Variants in RB1 observed in about 807,000 individuals in gnomAD.
RB1 encodes the protein RB transcriptional corepressor 1.
A neutral mutation model predicts 135.4 loss-of-function variants in RB1; 18 were observed. The ratio of observed to expected loss-of-function variants is 0.13; its 90% CI spans 0.09 to 0.20. RB1 has a LOEUF of 0.20. Ranked by LOEUF, RB1 falls within the 10% of genes least tolerant of loss-of-function variation. The probability of loss-of-function intolerance (pLI) is 1.00; values close to 1 mark genes in which losing one functional copy is unlikely to be tolerated. For missense variants in RB1, 868 were observed against 1,110.0 expected, an observed-to-expected ratio of 0.78 and a Z score of 3.10; for synonymous variants, 365 against 373.2, an observed-to-expected ratio of 0.98 and a Z score of 0.25.
intron 17 of RB1, among the ~76,000 whole-genome samples, chr13:48,447,005 C>T (rs1479328198): frequency 6.6e-6 from 1 of 152,086 alleles, no homozygotes; most frequent in Non-Finnish European, 1.5e-5. Context: ...GATGCTTTTG[C>T]AGTGGGACAG....
chr13:48,366,047 G>A (rs1399831704), intron 9 of RB1, among the ~76,000 whole-genome samples: 1 of 152,172 alleles, frequency 6.6e-6, no homozygotes, highest in African/African-American at 2.4e-5. Flanking sequence ...AAGGTGCAGT[G>A]ATGTATGATA....
At chr13:48,349,052 A>G (rs1285208969) in intron 6 of RB1, 29 bp downstream of exon 6, 4 of 1,570,450 alleles carry the variant, frequency 2.5e-6, no homozygotes, top group Non-Finnish European at 3.5e-6. Flanking sequence ...TTAAATGCTA[A>G]TATTTCAAAT....
rs886774179 is a variant in RB1 at position 48,319,360 on chromosome 13, G to C, written c.264+11954G>C. On this transcript the variant is annotated intron_variant, in intron 2 of 26. Coordinates refer to ENST00000267163, the MANE Select transcript of RB1 (RefSeq NM_000321.3). The surrounding 1 kb of genome is among the most constrained non-coding windows in gnomAD (Gnocchi z 5.0). ...TTGGCCTCCTTGCGTGTTTGCCGCA[G>C]CTAGTACACCTGGATGGCCTCCTCA... is the stretch of plus-strand genomic sequence containing the variant. 12 of 484,680 alleles carry C rather than the reference G, an allele frequency of 2.5e-5. No homozygotes were observed. Among genetic ancestry groups the C allele is most frequent in the African/African-American group, 1.6e-4 (8 of 50,186 alleles). The allele number at this position is 484,680 out of a possible 1,614,324, so 30.0% of individuals were successfully genotyped here. A position where few individuals can be genotyped will look rare whatever the true frequency, so the allele number is the denominator to read the frequency against.
chr13:48,355,112 T>C (rs912549244), intron 6 of RB1, among the ~76,000 whole-genome samples: 2 of 151,874 alleles, frequency 1.3e-5, no homozygotes, highest in Non-Finnish European at 2.9e-5. Flanking sequence ...AAGGATACAA[T>C]GAATGAAGTG....
Position 48,318,345 on chromosome 13 carries a change from C to A in RB1, c.264+10939C>A, listed in dbSNP as rs1289947508. 19 of 1,413,642 alleles carry A rather than the reference C, an allele frequency of 1.3e-5. 1 individual carries two copies. Among genetic ancestry groups the A allele is most frequent in the Non-Finnish European group, 1.7e-5 (18 of 1,048,970 alleles). The allele number at this position is 1,413,642 out of a possible 1,614,324, so 87.6% of individuals were successfully genotyped here. A position where few individuals can be genotyped will look rare whatever the true frequency, so the allele number is the denominator to read the frequency against. On this transcript the variant is annotated intron_variant, in intron 2 of 26. Coordinates refer to ENST00000267163, the MANE Select transcript of RB1 (RefSeq NM_000321.3). ...GAACCTGACCTTCCTGCACGCAGCC[C>A]TGGGTTCCCTGCACCTCTTCTTGAG...
At position 48,481,843 on chromosome 13, in the gene RB1, A is replaced by G. The variant is rs538626210; in HGVS notation, c.*1772A>G. On this transcript the variant is annotated 3_prime_UTR_variant, in exon 27 of 27. Transcript: ENST00000267163. ...AATTGCTATGTTACTATTTTCTACA[A>G]TTAATAGTTTGTCTATTTTAAAATA... is the stretch of plus-strand genomic sequence containing the variant. 9.1e-6 allele frequency: 2 copies of G among 220,530 alleles called. No homozygotes were observed. The highest frequency in any genetic ancestry group is 1.8e-4 in the South Asian group (1 of 5,412). 13.7% of individuals were successfully genotyped at this position (220,530 alleles called of 1,614,324 possible). A position where few individuals can be genotyped will look rare whatever the true frequency, so the allele number is the denominator to read the frequency against.
intron 1 of RB1, 59 bp downstream of exon 1, chr13:48,304,108 G>T (rs1397310816): frequency 7.5e-7 from 1 of 1,336,156 alleles, no homozygotes; most frequent in Non-Finnish European, 9.5e-7. Flanking sequence ...TGTGCGTAGG[G>T]CGGGCGCCAA....
intron 23 of RB1, 46 bp from the exon 24 acceptor site, chr13:48,473,314 T>C (rs2138354447): frequency 6.8e-7 from 1 of 1,473,032 alleles, no homozygotes; most frequent in East Asian, 2.3e-5. Flanking sequence ...TGCAAAATTG[T>C]ATATGGTTTT....
At chr13:48,430,249 A>G (rs552040348) in intron 17 of RB1, among the ~76,000 whole-genome samples, 1 of 152,218 alleles carries the variant, frequency 6.6e-6, no homozygotes, top group Non-Finnish European at 1.5e-5. Context: ...TATCCACTTC[A>G]AATCAGTGGA....
chr13:48,305,505 C>T (rs1952073397), intron 1 of RB1, among the ~76,000 whole-genome samples: 1 of 152,122 alleles, frequency 6.6e-6, no homozygotes, highest in African/African-American at 2.4e-5. Context: ...CTAAAGAATT[C>T]CATGTTATGC....
chr13:48,364,643 G>C (rs1339152927), intron 8 of RB1, among the ~76,000 whole-genome samples: 1 of 152,174 alleles, frequency 6.6e-6, no homozygotes, highest in East Asian at 1.9e-4. Context: ...TGAGGTGGAA[G>C]GATGGCTTGA....
chr13:48,372,756 T>G (rs1389960966), intron 11 of RB1, among the ~76,000 whole-genome samples: 1 of 152,200 alleles, frequency 6.6e-6, no homozygotes, highest in Non-Finnish European at 1.5e-5. Context: ...TAGTTGAGGA[T>G]CTTTTCAGCC....
intron 2 of RB1, among the ~76,000 whole-genome samples, chr13:48,330,602 A>G (rs1952325164): frequency 6.6e-6 from 1 of 152,198 alleles, no homozygotes; most frequent in Non-Finnish European, 1.5e-5. Flanking sequence ...CTAAGACTGA[A>G]TAGCAGAAGA....
chr13:48,472,411 A>G (rs1949476634), intron 23 of RB1, among the ~76,000 whole-genome samples: 1 of 152,146 alleles, frequency 6.6e-6, no homozygotes, highest in Non-Finnish European at 1.5e-5. Context: ...ATATCTGTGT[A>G]CTGATATCTA....
chr13:48,414,297 A>G (rs908431957), intron 17 of RB1, among the ~76,000 whole-genome samples: 7 of 151,948 alleles, frequency 4.6e-5, no homozygotes, highest in African/African-American at 1.7e-4. Flanking sequence ...CAGTGAACCA[A>G]GATCAAGCCA....
intron 11 of RB1, among the ~76,000 whole-genome samples, chr13:48,372,263 GAA>G (rs1317525440): frequency 6.6e-6 from 1 of 152,218 alleles, no homozygotes; most frequent in Non-Finnish European, 1.5e-5. Flanking sequence ...GAACAAATGA[GAA>G]AAGTCTTTTG....
intron 17 of RB1, among the ~76,000 whole-genome samples, chr13:48,409,151 T>C (rs1377343345): frequency 3.0e-5 from 4 of 132,764 alleles, no homozygotes; most frequent in Non-Finnish European, 6.3e-5. Flanking sequence ...TTCTTTTCTC[T>C]TTTTTTTTTT....
chr13:48,476,523 GTAGT>G (rs1176997873), intron 24 of RB1, 174 bp from the exon 25 acceptor site: 3 of 607,946 alleles, frequency 4.9e-6, no homozygotes, highest in Non-Finnish European at 8.5e-6. Context: ...ATGGAATTAG[GTAGT>G]TATTCTGATT....
chr13:48,410,096 A>G (rs999154838), intron 17 of RB1, among the ~76,000 whole-genome samples: 2 of 152,184 alleles, frequency 1.3e-5, no homozygotes, highest in Non-Finnish European at 2.9e-5. Flanking sequence ...CATCTTGCCT[A>G]CTTGAAATAA....
Sources: gnomAD v4.1 joint callset for allele counts (sites outside exome capture counted in the v4.1 genomes callset) on GRCh38, gnomAD v4.1.1 for gene constraint, Gnocchi (gnomAD v3.1) non-coding constraint, MANE v1.5 for transcripts, NCBI Gene and HGNC (gene_info 2026-07-23, HGNC 2026-07-21) for gene names.